Variants in ATP10A observed in about 807,000 individuals in gnomAD.
ATP10A encodes the protein ATPase phospholipid transporting 10A (putative).
Under a neutral mutation model 147.8 loss-of-function variants are expected in ATP10A, and 111 were observed. That is an observed-to-expected ratio of 0.75 (90% CI 0.64 to 0.88). The LOEUF (loss-of-function observed/expected upper bound fraction) is 0.88, where lower values mean the gene tolerates loss of function less well. Among genes scored for constraint, ATP10A ranks in the 40% least tolerant of loss-of-function variants. The probability of loss-of-function intolerance (pLI) is 0.00; values close to 1 mark genes in which losing one functional copy is unlikely to be tolerated. For synonymous variants in ATP10A, 875 were observed against 841.6 expected (o/e 1.04, Z -0.69); for missense variants, 1,927 against 1,959.0 (o/e 0.98, Z 0.31).
intron 1 of ATP10A, among the ~76,000 whole-genome samples, chr15:25,792,650 C>T (rs1258552676): frequency 5.9e-5 from 9 of 152,140 alleles, no homozygotes; most frequent in Non-Finnish European, 1.0e-4. Flanking sequence ...GTGAGGCCCG[C>T]GTTTAGAATT....
chr15:25,736,513 C>A (rs2140491521), intron 2 of ATP10A, among the ~76,000 whole-genome samples: 1 of 152,260 alleles, frequency 6.6e-6, no homozygotes, highest in Non-Finnish European at 1.5e-5. Context: ...CTTAGGGAAG[C>A]AAATTCCACC....
In ATP10A at chr15:25,804,120, GGT is replaced by G. The variant is rs1416868097; in HGVS notation, c.450-22899_450-22898del. Among the ~76,000 whole-genome samples the G allele has an allele frequency of 1.5e-4, 20 of 135,320 alleles. 1 individual carries two copies. The highest frequency in any genetic ancestry group is 2.0e-4 in the Non-Finnish European group (13 of 63,430). The allele number at this position is 135,320 out of a possible 152,430, so 88.8% of individuals were successfully genotyped here. On this transcript the variant is annotated intron_variant, in intron 1 of 20. Transcript: ENST00000555815. ...GTGTGGTGCATGCCTGTGAGTGTGCGGTGTGTGTGTGAGGTGTAATTGTGCTT... is the reference window on the plus strand; with the variant it reads ...GTGTGGTGCATGCCTGTGAGTGTGCGGTGTGTGTGAGGTGTAATTGTGCTT...
intron 2 of ATP10A, among the ~76,000 whole-genome samples, chr15:25,768,876 T>C (rs538469898): frequency 2.0e-5 from 3 of 152,122 alleles, no homozygotes; most frequent in Admixed American, 2.0e-4. Context: ...ATTACTTTTA[T>C]AATGTTAAAC....
chr15:25,815,941 T>C (rs1379436984), intron 1 of ATP10A, among the ~76,000 whole-genome samples: 1 of 151,770 alleles, frequency 6.6e-6, no homozygotes, highest in Non-Finnish European at 1.5e-5. Context: ...AATCTAAGGG[T>C]TAATCTGACA....
chr15:25,715,492 A>C, intron 9 of ATP10A, among the ~76,000 whole-genome samples: 1 of 152,230 alleles, frequency 6.6e-6, no homozygotes, highest in East Asian at 1.9e-4. Flanking sequence ...CCTTCATTTA[A>C]CATCTGTCAG....
intron 1 of ATP10A, among the ~76,000 whole-genome samples, chr15:25,792,938 C>T (rs1446106641): frequency 1.3e-5 from 2 of 149,530 alleles, no homozygotes; most frequent in African/African-American, 5.0e-5. Context: ...TGGTGCGATC[C>T]TGACTCACCG....
At chr15:25,837,986 C>T (rs757694506) in intron 1 of ATP10A, among the ~76,000 whole-genome samples, 17 of 152,184 alleles carry the variant, frequency 1.1e-4, no homozygotes, top group South Asian at 2.1e-4. Flanking sequence ...GCCAGGGCTC[C>T]GGGCCATGGA....
chr15:25,826,747 A>G (rs1052086568), intron 1 of ATP10A, among the ~76,000 whole-genome samples: 1 of 152,208 alleles, frequency 6.6e-6, no homozygotes, highest in Non-Finnish European at 1.5e-5. Context: ...GTGGGCCTAG[A>G]TCGTGCCACT....
At chr15:25,799,352 T>C (rs997099113) in intron 1 of ATP10A, among the ~76,000 whole-genome samples, 3 of 152,188 alleles carry the variant, frequency 2.0e-5, no homozygotes, top group African/African-American at 4.8e-5. Context: ...TTCTTGCTCC[T>C]GAGCGCTGAT....
At chr15:25,805,545 A>T (rs1372879651) in intron 1 of ATP10A, among the ~76,000 whole-genome samples, 2 of 152,186 alleles carry the variant, frequency 1.3e-5, no homozygotes, top group Admixed American at 6.5e-5. Context: ...CTAAAATCTA[A>T]GTAGGTCTCA....
chr15:25,739,370 A>T (rs963017236), intron 2 of ATP10A, among the ~76,000 whole-genome samples: 10 of 152,230 alleles, frequency 6.6e-5, no homozygotes, highest in African/African-American at 2.4e-4. Context: ...ATGTGGGCTT[A>T]CCAGAGCCCA....
intron 2 of ATP10A, among the ~76,000 whole-genome samples, chr15:25,772,316 G>A (rs912406334): frequency 1.7e-4 from 26 of 152,034 alleles, no homozygotes; most frequent in Admixed American, 1.4e-3. Flanking sequence ...AGGCCCTGAC[G>A]TCTCTGATGC....
chr15:25,825,492 G>A (rs1892076421), intron 1 of ATP10A, among the ~76,000 whole-genome samples: 1 of 152,108 alleles, frequency 6.6e-6, no homozygotes, highest in Non-Finnish European at 1.5e-5. Flanking sequence ...CAGGAATGAA[G>A]GCTAAGACAG....
upstream of ATP10A, among the ~76,000 whole-genome samples, chr15:25,864,286 G>A (rs146397153): frequency 5.1e-4 from 78 of 152,314 alleles, no homozygotes; most frequent in African/African-American, 1.8e-3. Context: ...CACGTCCGCA[G>A]TGAGACCCCA....
At chr15:25,783,258 C>G (rs973873017) in intron 1 of ATP10A, among the ~76,000 whole-genome samples, 1 of 152,106 alleles carries the variant, frequency 6.6e-6, no homozygotes, top group Non-Finnish European at 1.5e-5. Flanking sequence ...TTACCATAAC[C>G]ATCTTACTAA....
chr15:25,707,446 A>C (rs1242834364), intron 12 of ATP10A, among the ~76,000 whole-genome samples: 1 of 152,228 alleles, frequency 6.6e-6, no homozygotes, highest in Admixed American at 6.5e-5. Context: ...AAATATTTTA[A>C]GTATTAAAGT....
chr15:25,713,086 G>A (rs1414495561), intron 10 of ATP10A, among the ~76,000 whole-genome samples: 2 of 152,220 alleles, frequency 1.3e-5, no homozygotes, highest in African/African-American at 4.8e-5. Flanking sequence ...CCTCAGCAGG[G>A]CCCCTAGGCT....
chr15:25,683,634 G>A (rs925206313), intron 16 of ATP10A, 148 bp from the exon 17 acceptor site: 2 of 743,020 alleles, frequency 2.7e-6, no homozygotes, highest in South Asian at 1.9e-5. Context: ...CCATGACCTT[G>A]AGCCCTGCTG....
At chr15:25,781,421 C>A (rs1007804099) in intron 1 of ATP10A, among the ~76,000 whole-genome samples, 198 bp from the exon 2 acceptor site, 7 of 152,036 alleles carry the variant, frequency 4.6e-5, no homozygotes, top group African/African-American at 1.4e-4. Flanking sequence ...CTTTGAGAGA[C>A]CGAGGCGGGC....
Sources: gnomAD v4.1 joint callset for allele counts (sites outside exome capture counted in the v4.1 genomes callset) on GRCh38, gnomAD v4.1.1 for gene constraint, MANE v1.5 for transcripts, NCBI Gene and HGNC (gene_info 2026-07-23, HGNC 2026-07-21) for gene names.